Variants in ZNF793 observed in about 807,000 individuals in gnomAD.
ZNF793 encodes the protein zinc finger protein 793.
Under a neutral mutation model 12.4 loss-of-function variants are expected in ZNF793, and 5 were observed. That is an observed-to-expected ratio of 0.40 (90% confidence interval 0.21 to 0.84). The LOEUF is 0.84. ZNF793 is among the 40% of genes least tolerant of loss of function. The pLI, the probability that ZNF793 is intolerant of heterozygous loss-of-function variation, is 0.35. For synonymous variants in ZNF793, 162 were observed against 172.4 expected (o/e 0.94, Z 0.47); for missense variants, 456 against 495.0 (o/e 0.92, Z 0.75).
Position 37,533,342 on chromosome 19 carries a change from A to G in ZNF793, c.177A>G (p.Arg59=), listed in dbSNP as rs2147103915. 1 of 1,613,942 alleles carries G rather than the reference A, an allele frequency of 6.2e-7. No individual in the cohort carries two copies. The highest frequency in any genetic ancestry group is 8.5e-7 in the Non-Finnish European group (1 of 1,179,864). ...GCACCAAACCAGATGTGATCCTCAG[A>G]CTGGAGCAGGAAGAAGCACCATGGA... ...YEGTKPDVIL[R]LEQEEAPWIG... Residue 59 remains arginine, a synonymous_variant, in exon 7 of 8, where the codon AGA becomes AGG. Transcript: ENST00000627814.
At chr19:37,521,088 C>T (rs1272870452) in intron 3 of ZNF793, among the ~76,000 whole-genome samples, 1 of 150,766 alleles carries the variant, frequency 6.6e-6, no homozygotes, top group African/African-American at 2.4e-5. Flanking sequence ...CCTGGGTTCA[C>T]GCCATTCTCC....
intron 6 of ZNF793, among the ~76,000 whole-genome samples, chr19:37,533,071 G>C (rs1428397973): frequency 1.2e-4 from 18 of 152,156 alleles, no homozygotes; most frequent in Admixed American, 1.2e-3. Context: ...GCAGAGTCAG[G>C]ATTTGAACCT....
intron 2 of ZNF793, among the ~76,000 whole-genome samples, chr19:37,509,973 G>A (rs2042280462): frequency 1.3e-5 from 2 of 152,056 alleles, no homozygotes; most frequent in Admixed American, 1.3e-4. Context: ...AGCACCATGG[G>A]GAGAGGCAAG....
chr19:37,512,018 C>T (rs901621974), intron 2 of ZNF793, among the ~76,000 whole-genome samples: 2 of 151,964 alleles, frequency 1.3e-5, no homozygotes, highest in East Asian at 1.9e-4. Context: ...AGGGTTATCT[C>T]GGAGGAGTCT....
At position 37,509,385 on chromosome 19, in the gene ZNF793, G is replaced by A. The variant is rs535223131; in HGVS notation, c.-276+982G>A. On this transcript the variant is annotated intron_variant, in intron 2 of 7. Coordinates refer to ENST00000627814, the MANE Select transcript of ZNF793 (RefSeq NM_001013659.3). ...TAAGATTTTGACCATTAATGAAAAAGTGCAATGTCAAAACAATATTTTAAT... is the reference window on the plus strand; with the variant it reads ...TAAGATTTTGACCATTAATGAAAAAATGCAATGTCAAAACAATATTTTAAT... 3.0e-4 allele frequency among the ~76,000 whole-genome samples: 45 copies of A among 152,268 alleles called. No homozygotes were observed. The South Asian group carries it at 9.3e-3, about 32-fold the overall frequency.
At chr19:37,512,441 GGAGTCA>G (rs2042301332) in intron 2 of ZNF793, among the ~76,000 whole-genome samples, 1 of 151,960 alleles carries the variant, frequency 6.6e-6, no homozygotes, top group Admixed American at 6.6e-5. Context: ...CTTGAACCAG[GGAGTCA>G]GAGGTTGCAG....
intron 5 of ZNF793, among the ~76,000 whole-genome samples, chr19:37,527,150 T>A (rs1389064769): frequency 6.6e-6 from 1 of 152,128 alleles, no homozygotes; most frequent in Non-Finnish European, 1.5e-5. Flanking sequence ...GGTTTTGCCC[T>A]GTTGGCCAGG....
rs182189610 is a variant in ZNF793 at position 37,543,046 on chromosome 19, T to C, written c.*5167T>C. On this transcript the variant is annotated 3_prime_UTR_variant, in exon 8 of 8. Coordinates refer to ENST00000627814, the MANE Select transcript of ZNF793 (RefSeq NM_001013659.3). ...ATGGGGGAGCTAGAATTTTGCTAAT[T>C]TGTGGGGATGTTCATGGTATATATT... 3.9e-5 allele frequency: 6 copies of C among 152,238 alleles called. No individual in the cohort carries two copies. The East Asian group carries it at 9.7e-4, about 25-fold the overall frequency. 9.4% of individuals were successfully genotyped at this position (152,238 alleles called of 1,614,324 possible).
In ZNF793 at chr19:37,541,456, ATCAC is replaced by A. The variant is rs1316416446; in HGVS notation, c.*3578_*3581del. On this transcript the variant is annotated 3_prime_UTR_variant, in exon 8 of 8. Coordinates refer to ENST00000627814, the MANE Select transcript of ZNF793 (RefSeq NM_001013659.3). ...CACTTTGGGAGGCTGAGGCAGGAGG[ATCAC>A]CTGAGGTTAGGAGTTCAAGACTAGT... is the stretch of plus-strand genomic sequence containing the variant. 2 of 152,350 alleles carry A rather than the reference ATCAC, an allele frequency of 1.3e-5. No individual in the cohort carries two copies. Among genetic ancestry groups the A allele is most frequent in the African/African-American group, 4.8e-5 (2 of 41,470 alleles). The allele number at this position is 152,350 out of a possible 1,614,324, so 9.4% of individuals were successfully genotyped here. A position where few individuals can be genotyped will look rare whatever the true frequency, so the allele number is the denominator to read the frequency against.
chr19:37,537,470 T>A lies in ZNF793; in HGVS notation c.812T>A (p.Ile271Asn). The A allele has an allele frequency of 6.2e-7, 1 of 1,613,912 alleles. No individual in the cohort carries two copies. The highest frequency in any genetic ancestry group is 8.5e-7 in the Non-Finnish European group (1 of 1,179,874). ...GKAFSHKSTL[I>N]KHQRIHTGVR... is the part of the protein sequence containing the mutation. Reference sequence around the variant, plus strand: ...GCCTTTTCACATAAGTCAACCCTCATCAAACACCAGAGAATTCACACTGGG... The same window carrying A: ...GCCTTTTCACATAAGTCAACCCTCAACAAACACCAGAGAATTCACACTGGG... The change falls in exon 8 of 8, where the codon ATC (isoleucine) becomes AAC (asparagine). Residue 271 changes from isoleucine to asparagine, a missense_variant. By Grantham distance (149) the Ile-to-Asn change is moderately radical. Transcript: ENST00000627814.
chr19:37,510,151 A>G (rs1426760686), intron 2 of ZNF793, among the ~76,000 whole-genome samples: 1 of 152,068 alleles, frequency 6.6e-6, no homozygotes, highest in Non-Finnish European at 1.5e-5. Context: ...GTTTGAGGCC[A>G]GGATCTTGAG....
intron 7 of ZNF793, 29 bp from the exon 8 acceptor site, chr19:37,536,868 A>C: frequency 6.4e-7 from 1 of 1,561,800 alleles, no homozygotes; most frequent in Non-Finnish European, 8.6e-7. Flanking sequence ...ATGAAGTTTC[A>C]TAAGGATGAT....
At chr19:37,510,361 A>G (rs1398391578) in intron 2 of ZNF793, among the ~76,000 whole-genome samples, 1 of 151,492 alleles carries the variant, frequency 6.6e-6, no homozygotes, top group Non-Finnish European at 1.5e-5. Flanking sequence ...AAAAAAAAAA[A>G]AAAATTAGCT....
At chr19:37,536,702 A>G (rs1355024196) in intron 7 of ZNF793, 195 bp from the exon 8 acceptor site, 4 of 594,578 alleles carry the variant, frequency 6.7e-6, no homozygotes, top group African/African-American at 1.9e-5. Context: ...ATTGGTCTCT[A>G]TACTCTATGA....
At position 37,532,470 on chromosome 19, in the gene ZNF793, C is replaced by G. The variant is rs768581328; in HGVS notation, c.130C>G (p.Leu44Val). 2.5e-6 allele frequency: 4 copies of G among 1,607,160 alleles called. No homozygotes were observed. In the South Asian group the frequency reaches 3.3e-5, roughly 13 times the overall value. The change falls in exon 6 of 8, where the codon CTC (leucine) becomes GTC (valine). Residue 44 changes from leucine (L) to valine (V), a missense_variant. Physicochemically the swap from Leu to Val is conservative, Grantham distance 32. Transcript: ENST00000627814. ...RDVMLETYSN[L>V]VSVGYEGTKP... ...TGTGATGCTGGAAACCTATAGCAAC[C>G]TCGTCTCAGTGGGTAAGAACATCCT...
chr19:37,537,553 A>C lies in ZNF793; in HGVS notation c.895A>C (p.Thr299Pro). ...AGCCTTTACCCAGAAGTCACACCGC[A>C]CAGAACATCAGAGAACACACACAGG... Reference protein sequence around the residue: ...GKAFTQKSHRTEHQRTHTGER... With the variant: ...GKAFTQKSHRPEHQRTHTGER... The change falls in exon 8 of 8, where the codon ACA becomes CCA. Residue 299 changes from threonine to proline, a missense_variant. Transcript: ENST00000627814. 1 of 1,614,218 alleles carries C rather than the reference A, an allele frequency of 6.2e-7. No homozygotes were observed. The highest frequency in any genetic ancestry group is 8.5e-7 in the Non-Finnish European group (1 of 1,180,032).
intron 1 of ZNF793, chr19:37,507,416 G>GCTTCAAAATATTTTCAAAAT (rs2042258889): frequency 6.6e-6 from 1 of 152,272 alleles, no homozygotes; most frequent in African/African-American, 2.4e-5. Context: ...AGTGATCGGA[G>GCTTCAAAATATTTTCAAAAT]GTTCTAAGTT....
At chr19:37,529,930 T>C (rs967698623) in intron 5 of ZNF793, among the ~76,000 whole-genome samples, 2 of 151,648 alleles carry the variant, frequency 1.3e-5, no homozygotes, top group Non-Finnish European at 2.9e-5. Flanking sequence ...GTACCAGTGT[T>C]CAGCATACGG....
chr19:37,526,883 C>T (rs2042419930), intron 5 of ZNF793, among the ~76,000 whole-genome samples: 1 of 152,216 alleles, frequency 6.6e-6, no homozygotes, highest in Non-Finnish European at 1.5e-5. Flanking sequence ...GCTACCTACC[C>T]TACTTAAAGC....
Sources: allele counts gnomAD v4.1 joint callset (sites outside exome capture counted in the v4.1 genomes callset), GRCh38; gene constraint gnomAD v4.1.1; transcripts MANE v1.5; gene names NCBI Gene and HGNC (gene_info 2026-07-23, HGNC 2026-07-21).